Variants in CTNND2 observed in about 807,000 individuals in gnomAD.
The protein encoded by CTNND2 is catenin delta-2.
Under a neutral mutation model 144.4 loss-of-function variants are expected in CTNND2, and 22 were observed. The ratio of observed to expected loss-of-function variants is 0.15; its 90% confidence interval spans 0.11 to 0.22. CTNND2 has a LOEUF of 0.22. Ranked by LOEUF, CTNND2 falls within the 10% of genes least tolerant of loss-of-function variation. The probability of loss-of-function intolerance (pLI) is 1.00; values close to 1 mark genes in which losing one functional copy is unlikely to be tolerated. For missense variants in CTNND2, 1,353 were observed against 1,618.8 expected, an observed-to-expected ratio of 0.84 and a Z score of 2.82; for synonymous variants, 751 against 695.6, an observed-to-expected ratio of 1.08 and a Z score of -1.25.
chr5:11,893,475 C>T (rs1737150762), intron 1 of CTNND2, among the ~76,000 whole-genome samples: 2 of 152,156 alleles, frequency 1.3e-5, no homozygotes, highest in African/African-American at 4.8e-5. Context: ...ATGCATAAAT[C>T]AATAAACAGT....
At chr5:11,826,845 A>C (rs923496120) in intron 1 of CTNND2, among the ~76,000 whole-genome samples, 2 of 152,038 alleles carry the variant, frequency 1.3e-5, no homozygotes, top group African/African-American at 4.8e-5. Context: ...TATATAATTC[A>C]AAGAAGAAAA....
intron 3 of CTNND2, among the ~76,000 whole-genome samples, chr5:11,432,718 A>G (rs1294599551): frequency 6.6e-6 from 1 of 152,198 alleles, no homozygotes; most frequent in East Asian, 1.9e-4. Context: ...TAAGGAAATG[A>G]GGAGGCACTG....
At chr5:11,077,846 T>G (rs898802450) in intron 16 of CTNND2, among the ~76,000 whole-genome samples, 2 of 152,094 alleles carry the variant, frequency 1.3e-5, no homozygotes, top group African/African-American at 4.8e-5. Context: ...CAACCAGATT[T>G]GTTGATAGAT....
At chr5:11,435,078 T>C (rs1763641068) in intron 3 of CTNND2, among the ~76,000 whole-genome samples, 1 of 152,034 alleles carries the variant, frequency 6.6e-6, no homozygotes, top group Non-Finnish European at 1.5e-5. Context: ...CCTTGACTGA[T>C]ACTCTATTTA....
intron 3 of CTNND2, among the ~76,000 whole-genome samples, chr5:11,419,026 C>CTATATATA (rs1265992031): frequency 1.2e-3 from 153 of 125,174 alleles, no homozygotes; most frequent in Non-Finnish European, 2.1e-3. Context: ...AGATGTCTAT[C>CTATATATA]TATATATAGA....
At chr5:11,005,536 G>C (rs1383252867) in intron 18 of CTNND2, among the ~76,000 whole-genome samples, 2 of 152,136 alleles carry the variant, frequency 1.3e-5, no homozygotes, top group African/African-American at 4.8e-5. Flanking sequence ...GTTGGGTATG[G>C]GAGATATTTA....
intron 7 of CTNND2, 146 bp from the exon 8 acceptor site, chr5:11,365,036 T>G (rs1455073663): frequency 4.6e-6 from 3 of 657,120 alleles, no homozygotes; most frequent in Admixed American, 3.1e-5. Flanking sequence ...CAGCAATATG[T>G]CAACCTAATC....
At chr5:11,798,721 C>T (rs4337855) in intron 1 of CTNND2, among the ~76,000 whole-genome samples, 132,925 of 152,074 alleles carry the variant, frequency 0.87, 60,160 homozygotes, top group East Asian at 1. Context: ...GAACTGAGAT[C>T]GCGCCACTGC....
At chr5:11,028,719 T>C (rs1743127342) in intron 16 of CTNND2, among the ~76,000 whole-genome samples, 1 of 152,182 alleles carries the variant, frequency 6.6e-6, no homozygotes, top group Non-Finnish European at 1.5e-5. Context: ...TCTTTTTTTC[T>C]TTTTTTCCAA....
intron 10 of CTNND2, among the ~76,000 whole-genome samples, chr5:11,229,578 C>T (rs1244654894): frequency 1.3e-5 from 2 of 151,796 alleles, no homozygotes; most frequent in Admixed American, 6.6e-5. Context: ...TCCCTATATG[C>T]CACTTGAAAA....
intron 18 of CTNND2, among the ~76,000 whole-genome samples, chr5:11,010,208 T>C (rs1219377747): frequency 1.3e-5 from 2 of 152,222 alleles, no homozygotes; most frequent in Non-Finnish European, 2.9e-5. Context: ...AAATTCCCAT[T>C]AAGCAATTTC....
At chr5:11,344,196 A>T (rs1754535453) in intron 9 of CTNND2, among the ~76,000 whole-genome samples, 1 of 151,928 alleles carries the variant, frequency 6.6e-6, no homozygotes, top group African/African-American at 2.4e-5. Context: ...CGAGGTCAGG[A>T]GATCGAGACC....
chr5:11,773,667 G>A (rs12659831), intron 1 of CTNND2, among the ~76,000 whole-genome samples: 123,884 of 152,064 alleles, frequency 0.81, 54,871 homozygotes, highest in Non-Finnish European at 0.98. Flanking sequence ...AAAATCAGCC[G>A]GGTGTGGTGG....
At chr5:11,485,602 T>G (rs1469213683) in intron 3 of CTNND2, among the ~76,000 whole-genome samples, 1 of 152,154 alleles carries the variant, frequency 6.6e-6, no homozygotes, top group Non-Finnish European at 1.5e-5. Context: ...CCAGATAAAC[T>G]CATAGGCATA....
intron 9 of CTNND2, among the ~76,000 whole-genome samples, chr5:11,275,259 G>A (rs1002841196): frequency 1.3e-5 from 2 of 152,148 alleles, no homozygotes; most frequent in Non-Finnish European, 2.9e-5. Context: ...GTGGTCCAAG[G>A]TCACATAGCT....
At chr5:11,066,541 T>C (rs1747627915) in intron 16 of CTNND2, among the ~76,000 whole-genome samples, 1 of 151,730 alleles carries the variant, frequency 6.6e-6, no homozygotes, top group Non-Finnish European at 1.5e-5. Context: ...ACCAATGTAT[T>C]TAATTGATGT....
At chr5:11,841,515 A>G (rs1485139402) in intron 1 of CTNND2, among the ~76,000 whole-genome samples, 4 of 152,224 alleles carry the variant, frequency 2.6e-5, no homozygotes, top group African/African-American at 9.6e-5. Context: ...AAAATTATGG[A>G]ACTTTTATTT....
chr5:11,679,438 C>T (rs1314518863), intron 2 of CTNND2, among the ~76,000 whole-genome samples: 1 of 152,062 alleles, frequency 6.6e-6, no homozygotes, highest in Non-Finnish European at 1.5e-5. Context: ...AGTTTTATAC[C>T]ATCTTTAGGC....
intron 16 of CTNND2, among the ~76,000 whole-genome samples, chr5:11,045,419 T>G (rs565170134): frequency 6.6e-6 from 1 of 152,216 alleles, no homozygotes; most frequent in Admixed American, 6.5e-5. Context: ...GATCTTGCAA[T>G]ATCGAACAGA....
Sources: gnomAD v4.1 joint callset for allele counts (sites outside exome capture counted in the v4.1 genomes callset) on GRCh38, gnomAD v4.1.1 for gene constraint, MANE v1.5 for transcripts, NCBI Gene and HGNC (gene_info 2026-07-23, HGNC 2026-07-21) for gene names.